The following NPAS4 variants were observed in gnomAD, a reference collection of about 807,000 sequenced individuals.
NPAS4 encodes the protein neuronal PAS domain protein 4, also known as neuronal PAS domain-containing protein 4.
Under a neutral mutation model 64.0 loss-of-function variants are expected in NPAS4, and 10 were observed. The observed-to-expected ratio is 0.16, with a 90% confidence interval of 0.10 to 0.26. The LOEUF (loss-of-function observed/expected upper bound fraction) is 0.26, where lower values mean the gene tolerates loss of function less well. NPAS4 is among the 10% of genes least tolerant of loss of function. NPAS4 has a pLI of 1.00. For synonymous variants in NPAS4, 441 were observed against 411.7 expected (o/e 1.07, Z -0.86); for missense variants, 886 against 992.6 (o/e 0.89, Z 1.44).
At chr11:66,413,464 T>A in the NPAS4 span, among the ~76,000 whole-genome samples, 2 of 152,156 alleles carry the variant, frequency 1.3e-5, no homozygotes, top group Non-Finnish European at 2.9e-5. Flanking sequence ...CAGCCCTGGG[T>A]GCAGTTGGCT....
chr11:66,423,675 T>C lies in NPAS4; in HGVS notation c.906T>C (p.Gly302=). 1.2e-6 allele frequency: 2 copies of C among 1,614,018 alleles called. No homozygotes were observed. The highest frequency in any genetic ancestry group is 1.3e-5 in the African/African-American group (1 of 74,970). Residue 302 remains glycine (G), a synonymous_variant, in exon 6 of 8, where the codon GGT becomes GGC. Transcript: ENST00000311034. ...TTTACTGCCTGTTATACTCAGAAGG[T>C]CCAGAGGGACCCATTACTGCCAATA... ...AWIYCLLYSE[G]PEGPITANNY... is the part of the protein sequence containing the mutation.
chr11:66,422,093 G>T, intron 1 of NPAS4, 27 bp from the exon 2 acceptor site: 1 of 1,608,686 alleles, frequency 6.2e-7, no homozygotes, highest in South Asian at 1.1e-5. Context: ...TCTTACTCCT[G>T]ACGCACTACG....
upstream of NPAS4, among the ~76,000 whole-genome samples, chr11:66,418,964 T>C (rs1856699161): frequency 6.6e-6 from 1 of 152,156 alleles, no homozygotes; most frequent in South Asian, 2.1e-4. Context: ...ACTCCTCTTA[T>C]TGTGGAGGGG....
chr11:66,422,153 C>A lies in NPAS4; in HGVS notation c.209C>A (p.Ser70Ter), dbSNP rs1437838063. Residue 70 changes from serine (S) to a stop codon, truncating the protein, a stop_gained, in exon 2 of 8, where the codon TCA (serine) becomes TAA (stop). Transcript: ENST00000311034. LOFTEE classifies it high-confidence loss of function. ...CTGGCGGGCCCCACGGGGCTTCTCT[C>A]AGCTCAAGAGCTTGAGGACATCGTA... ...TPLAGPTGLL[S>*]AQELEDIVAA... 1.2e-6 allele frequency: 2 copies of A among 1,614,008 alleles called. No homozygotes were observed. The highest frequency in any genetic ancestry group is 2.7e-5 in the African/African-American group (2 of 74,934).
upstream of NPAS4, among the ~76,000 whole-genome samples, chr11:66,418,009 GAC>G (rs201887675): frequency 6.6e-5 from 10 of 151,874 alleles, no homozygotes; most frequent in African/African-American, 2.2e-4. Context: ...CAAACACACA[GAC>G]ACACACACAG....
upstream of NPAS4, among the ~76,000 whole-genome samples, chr11:66,420,318 A>G (rs1408909566): frequency 6.6e-6 from 1 of 152,202 alleles, no homozygotes; most frequent in Non-Finnish European, 1.5e-5. Flanking sequence ...ATCAACGCCA[A>G]ATTCAGCTGG....
rs1441150907 is a variant in NPAS4, at chr11:66,424,067, C to A, written c.1177C>A (p.Pro393Thr). 6.2e-7 allele frequency: 1 copy of A among 1,614,122 alleles called. No homozygotes were observed. The highest frequency in any genetic ancestry group is 2.2e-5 in the East Asian group (1 of 44,880). The change falls in exon 7 of 8, where the codon CCC (proline) becomes ACC (threonine). Residue 393 changes from proline to threonine, a missense_variant. Physicochemically the swap from Pro to Thr is conservative, Grantham distance 38. Transcript: ENST00000311034. Reference protein sequence around the residue: ...VVSASEELPRPSKELDFSYLT... With the variant: ...VVSASEELPRTSKELDFSYLT... ...CTCTGCATCAGAAGAGCTTCCCCGA[C>A]CCTCCAAAGAACTGGACTTCAGTTA...
chr11:66,422,517 C>T lies in NPAS4; in HGVS notation c.394C>T (p.Arg132Cys), dbSNP rs781764783. 3.1e-6 allele frequency: 5 copies of T among 1,613,982 alleles called. No homozygotes were observed. Among genetic ancestry groups the T allele is most frequent in the Non-Finnish European group, 4.2e-6 (5 of 1,179,886 alleles). The change falls in exon 3 of 8, where the codon CGC (arginine) becomes TGC (cysteine). Residue 132 changes from arginine (R) to cysteine (C), a missense_variant. Around this residue, in one of 3 missense-constraint regions of NPAS4, gnomAD observed 820 missense variants for 855.5 expected, o/e 0.96. Transcript: ENST00000311034. ...IIDPADHLTV[R>C]QQLTLPSALD... The stretch of plus-strand genomic sequence containing the variant: ...TGACCCAGCTGACCACCTCACTGTG[C>T]GCCAGCAACTCACCCTGCCCTCTGC...
chr11:66,417,935 A>AGGT (rs1320889196), upstream of NPAS4, among the ~76,000 whole-genome samples: 1 of 152,176 alleles, frequency 6.6e-6, no homozygotes, highest in Non-Finnish European at 1.5e-5. Context: ...ACCTCCAGAC[A>AGGT]GGTTTGGAGG....
At chr11:66,423,443 C>T in intron 5 of NPAS4, 135 bp from the exon 6 acceptor site, 1 of 1,046,178 alleles carries the variant, frequency 9.6e-7, no homozygotes, top group South Asian at 1.4e-5. Context: ...AGGTAGAGAG[C>T]TGAGTGGTTC....
In NPAS4 at chr11:66,422,457, C is replaced by T. The variant is rs768832716; in HGVS notation, c.334C>T (p.Leu112=). The T allele has an allele frequency of 2.0e-5, 32 of 1,612,814 alleles. No individual in the cohort carries two copies. In the South Asian group the frequency reaches 2.2e-4, roughly 11 times the overall value. Residue 112 remains leucine, a synonymous_variant, in exon 3 of 8, where the codon CTG becomes TTG. Transcript: ENST00000311034. The stretch of plus-strand genomic sequence containing the variant: ...CTTCTTTTCCTCCCTCCAGGTGGAC[C>T]TGGTTGCCCAGGGTGACAGCATCTA... The part of the protein sequence containing the change: ...SEHLGHSMVD[L]VAQGDSIYDI...
At chr11:66,413,591 G>T in the NPAS4 span, among the ~76,000 whole-genome samples, 1 of 152,354 alleles carries the variant, frequency 6.6e-6, no homozygotes, top group East Asian at 1.9e-4. Context: ...GCATGTCCCT[G>T]TTAACACAAC....
At chr11:66,418,947 C>T (rs1856698863), upstream of NPAS4, among the ~76,000 whole-genome samples, 1 of 152,160 alleles carries the variant, frequency 6.6e-6, no homozygotes, top group Admixed American at 6.5e-5. Flanking sequence ...TGACACCCAG[C>T]CAGTAGACTC....
chr11:66,424,560 C>G lies in NPAS4; in HGVS notation c.1670C>G (p.Pro557Arg). ...TTCCCAGAGCAACTGAGCCCCAACC[C>G]TACCAAGACTTACTTTGCCCAGGAG... ...QTFPEQLSPN[P>R]TKTYFAQEGC... Residue 557 changes from proline (P) to arginine (R), a missense_variant, in exon 7 of 8, where the codon CCT (proline) becomes CGT (arginine). Around this residue, in one of 3 missense-constraint regions of NPAS4, gnomAD observed 820 missense variants for 855.5 expected, o/e 0.96. Coordinates refer to ENST00000311034, the MANE Select transcript of NPAS4 (RefSeq NM_178864.4). 1.2e-6 allele frequency: 2 copies of G among 1,614,210 alleles called. No individual in the cohort carries two copies. The highest frequency in any genetic ancestry group is 1.7e-6 in the Non-Finnish European group (2 of 1,180,036).
At chr11:66,423,268 G>C (rs936669924) in intron 5 of NPAS4, 36 bp downstream of exon 5, 1 of 1,373,388 alleles carries the variant, frequency 7.3e-7, no homozygotes, top group African/African-American at 1.4e-5. Context: ...AAGATAGCAA[G>C]CTGGGAAAGG....
Position 66,425,319 on chromosome 11 carries a change from A to C in NPAS4, c.2380+49A>C, listed in dbSNP as rs978041562. 3 of 1,131,220 alleles carry C rather than the reference A, an allele frequency of 2.7e-6. No homozygotes were observed. The African/African-American group carries it at 4.8e-5, about 18-fold the overall frequency. The allele number at this position is 1,131,220 out of a possible 1,614,324, so 70.1% of individuals were successfully genotyped here. ...AACTCAAGTCCCTGTCCTGCCAATGAAATGCTGGGTAGATTTAGGCAAATC... is the reference window on the plus strand; with the variant it reads ...AACTCAAGTCCCTGTCCTGCCAATGCAATGCTGGGTAGATTTAGGCAAATC... On this transcript the variant is annotated intron_variant, in intron 7 of 7. Coordinates refer to ENST00000311034, the MANE Select transcript of NPAS4 (RefSeq NM_178864.4).
chr11:66,421,925 C>A (rs1345656935), intron 1 of NPAS4, among the ~76,000 whole-genome samples, 195 bp from the exon 2 acceptor site: 1 of 152,218 alleles, frequency 6.6e-6, no homozygotes, highest in Non-Finnish European at 1.5e-5. Context: ...CTTTAGAAGT[C>A]GAGGGCTTGT....
chr11:66,412,028 G>T, the NPAS4 span, among the ~76,000 whole-genome samples: 2 of 152,226 alleles, frequency 1.3e-5, no homozygotes, highest in African/African-American at 4.8e-5. Context: ...TATGTTACGA[G>T]CTGTGCCCTG....
upstream of NPAS4, among the ~76,000 whole-genome samples, chr11:66,418,025 C>G (rs1216789001): frequency 6.6e-6 from 1 of 152,132 alleles, no homozygotes; most frequent in Non-Finnish European, 1.5e-5. Context: ...CACACAGAGT[C>G]TGGCTCTTTT....
Sources: allele counts gnomAD v4.1 joint callset (sites outside exome capture counted in the v4.1 genomes callset), GRCh38; gene constraint gnomAD v4.1.1; regional missense constraint gnomAD v4.1.1; transcripts MANE v1.5; gene names NCBI Gene and HGNC (gene_info 2026-07-23, HGNC 2026-07-21).